PSMG2: variants seen among roughly 807,000 people sequenced by gnomAD.
PSMG2 encodes proteasome assembly chaperone 2, also known as CD40 ligand-activated specific transcript 3.
A neutral mutation model predicts 31.5 loss-of-function variants in PSMG2; 21 were observed. The observed-to-expected ratio is 0.67, with a 90% CI of 0.47 to 0.96. PSMG2 has a LOEUF of 0.96. PSMG2 is among the 40% of genes least tolerant of loss of function. PSMG2 has a pLI of 0.00. For synonymous variants in PSMG2, 120 were observed against 110.4 expected, an observed-to-expected ratio of 1.09 and a Z score of -0.54; for missense variants, 318 against 321.2, an observed-to-expected ratio of 0.99 and a Z score of 0.08.
chr18:12,696,237 G>A (rs2039952878), intron 1 of PSMG2, among the ~76,000 whole-genome samples: 1 of 152,164 alleles, frequency 6.6e-6, no homozygotes. Context: ...TGGGCGCGGT[G>A]ACTCACGCCA....
chr18:12,664,871 G>A (rs913890658), intron 1 of PSMG2, among the ~76,000 whole-genome samples: 22 of 147,626 alleles, frequency 1.5e-4, no homozygotes, highest in African/African-American at 5.3e-4. Flanking sequence ...GCTAACTTTT[G>A]TATTTTTAGT....
At chr18:12,692,727 T>C (rs1341186763) in intron 1 of PSMG2, among the ~76,000 whole-genome samples, 1 of 152,260 alleles carries the variant, frequency 6.6e-6, no homozygotes, top group Non-Finnish European at 1.5e-5. Context: ...GAGCAAGCTG[T>C]CTAGCTGTCT....
At chr18:12,722,586 C>T (rs1249785308) in intron 5 of PSMG2, among the ~76,000 whole-genome samples, 3 of 152,074 alleles carry the variant, frequency 2.0e-5, no homozygotes, top group Admixed American at 6.6e-5. Context: ...ACAAAGTTAG[C>T]GGTGATAAAC....
At chr18:12,703,224 C>T in intron 1 of PSMG2, 60 bp downstream of exon 1, 4 of 1,525,990 alleles carry the variant, frequency 2.6e-6, no homozygotes, top group Non-Finnish European at 3.6e-6. Flanking sequence ...TGTCGCCACC[C>T]CGACGCGGGG....
upstream of PSMG2, among the ~76,000 whole-genome samples, chr18:12,699,560 T>C (rs1320985051): frequency 1.3e-5 from 2 of 152,196 alleles, no homozygotes. Context: ...TTGTCAATTA[T>C]ATTAATATTT....
At chr18:12,703,431 C>A (rs571461319) in intron 1 of PSMG2, among the ~76,000 whole-genome samples, 1 of 152,338 alleles carries the variant, frequency 6.6e-6, no homozygotes, top group East Asian at 1.9e-4. Flanking sequence ...TCTAGATACA[C>A]TGTACTTATG....
intron 1 of PSMG2, 132 bp downstream of exon 1, chr18:12,703,296 A>G: frequency 9.0e-7 from 1 of 1,107,464 alleles, no homozygotes; most frequent in Non-Finnish European, 1.3e-6. Context: ...TCGGCCGGAA[A>G]AAACAGGGAG....
At chr18:12,712,878 A>T (rs1282557435) in intron 3 of PSMG2, 118 bp downstream of exon 3, 1 of 648,924 alleles carries the variant, frequency 1.5e-6, no homozygotes, top group African/African-American at 1.8e-5. Context: ...TTAAGATCTG[A>T]TTCTACAGAG....
At chr18:12,683,186 CAAA>C (rs765652085) in intron 1 of PSMG2, among the ~76,000 whole-genome samples, 3 of 63,658 alleles carry the variant, frequency 4.7e-5, no homozygotes, top group Non-Finnish European at 9.2e-5. Flanking sequence ...CTAAAAATAC[CAAA>C]AAAAAAAAAA....
At chr18:12,671,485 G>C (rs1210075189) in intron 1 of PSMG2, among the ~76,000 whole-genome samples, 1 of 151,950 alleles carries the variant, frequency 6.6e-6, no homozygotes, top group Admixed American at 6.6e-5. Flanking sequence ...ATGCACAGAA[G>C]TGCTAAATGG....
At chr18:12,660,255 C>CT in intron 1 of PSMG2, among the ~76,000 whole-genome samples, 1 of 151,672 alleles carries the variant, frequency 6.6e-6, no homozygotes, top group Non-Finnish European at 1.5e-5. Flanking sequence ...GAAATCCAAA[C>CT]TTTATCTTTT....
At chr18:12,724,459 C>G (rs2040457261) in intron 5 of PSMG2, 40 bp from the exon 6 acceptor site, 7 of 1,550,382 alleles carry the variant, frequency 4.5e-6, no homozygotes, top group Non-Finnish European at 6.1e-6. Context: ...GCTCTTGTAC[C>G]CTATGAAAGA....
chr18:12,717,014 A>G (rs1392219074), intron 3 of PSMG2, among the ~76,000 whole-genome samples: 1 of 148,754 alleles, frequency 6.7e-6, no homozygotes, highest in Non-Finnish European at 1.5e-5. Context: ...CAGTGGCACA[A>G]CTATGGCTCA....
intron 1 of PSMG2, among the ~76,000 whole-genome samples, chr18:12,676,211 TA>T (rs2039124291): frequency 6.6e-6 from 1 of 151,858 alleles, no homozygotes; most frequent in African/African-American, 2.4e-5. Flanking sequence ...ACAGGCACCT[TA>T]ACTTAAATAG....
At chr18:12,717,642 T>G (rs944080327) in intron 3 of PSMG2, among the ~76,000 whole-genome samples, 3 of 152,248 alleles carry the variant, frequency 2.0e-5, no homozygotes, top group African/African-American at 7.2e-5. Flanking sequence ...TCCACAGCTG[T>G]TCCGAAAGTA....
rs762940274 is a variant in PSMG2, at chr18:12,697,390, G to A, written c.-36-9160G>A. On this transcript the variant is annotated intron_variant, in intron 1 of 6. Transcript: ENST00000585331. The stretch of plus-strand genomic sequence containing the variant: ...TATTGATAACATTGTTGTTGAATCA[G>A]CCATTCTAGTTCCATCACCTAGCAA... 7 of 1,609,316 alleles carry A rather than the reference G, an allele frequency of 4.3e-6. No homozygotes were observed. In the East Asian group the frequency reaches 1.1e-4, roughly 26 times the overall value.
chr18:12,707,525 C>T (rs9961266), intron 2 of PSMG2, among the ~76,000 whole-genome samples: 84 of 152,296 alleles, frequency 5.5e-4, no homozygotes, highest in African/African-American at 1.8e-3. Context: ...ATTGACTTGC[C>T]TGATGCCACT....
intron 1 of PSMG2, among the ~76,000 whole-genome samples, chr18:12,694,145 G>A (rs2039867325): frequency 6.6e-6 from 1 of 152,128 alleles, no homozygotes; most frequent in Admixed American, 6.6e-5. Flanking sequence ...CTCACTATGT[G>A]GTTTCAGGTA....
chr18:12,702,560 G>T (rs1331350397), upstream of PSMG2: 3 of 1,559,784 alleles, frequency 1.9e-6, no homozygotes, highest in Admixed American at 3.8e-5. Context: ...CTGGCAGCCG[G>T]CGTCTCCCCG....
Sources: gnomAD v4.1 joint callset for allele counts (sites outside exome capture counted in the v4.1 genomes callset) on GRCh38, gnomAD v4.1.1 for gene constraint, MANE v1.5 for transcripts, NCBI Gene and HGNC (gene_info 2026-07-23, HGNC 2026-07-21) for gene names.